The following SNTG2 variants were observed in gnomAD, a reference collection of about 807,000 sequenced individuals.
SNTG2 encodes syntrophin gamma 2, also known as gamma-2-syntrophin.
SNTG2 carries 74 observed loss-of-function variants against 70.9 expected under a neutral mutation model. The observed-to-expected ratio is 1.04, with a 90% CI of 0.86 to 1.27. The LOEUF (loss-of-function observed/expected upper bound fraction) is 1.27. Among genes scored for constraint, SNTG2 ranks in the 50% most tolerant of loss-of-function variants. The probability of loss-of-function intolerance (pLI) is 0.00; values close to 1 mark genes in which losing one functional copy is unlikely to be tolerated. For synonymous variants in SNTG2, 278 were observed against 273.8 expected, an observed-to-expected ratio of 1.02 and a Z score of -0.15; for missense variants, 717 against 690.7, an observed-to-expected ratio of 1.04 and a Z score of -0.43.
chr2:1,347,587 T>G (rs543484721), intron 16 of SNTG2, among the ~76,000 whole-genome samples: 1 of 152,252 alleles, frequency 6.6e-6, no homozygotes, highest in Admixed American at 6.5e-5. Context: ...GGCCCCTGTC[T>G]GGCTCCCATC....
rs1425582235 is a variant in SNTG2 at position 956,629 on chromosome 2, T to TAGG, written c.72+5565_72+5567dup. On this transcript the variant is annotated intron_variant, in intron 1 of 16. Coordinates refer to ENST00000308624, the MANE Select transcript of SNTG2 (RefSeq NM_018968.4). ...AATGGGCCCATCTCGGTCGGGCGTC[T>TAGG]AGGAGGGAAGTGGCACCTGGGTCCC... Among the ~76,000 whole-genome samples, 3 of 152,320 alleles carry TAGG rather than the reference T, an allele frequency of 2.0e-5. No individual in the cohort carries two copies. In the East Asian group the frequency reaches 5.8e-4, roughly 29 times the overall value.
intron 14 of SNTG2, among the ~76,000 whole-genome samples, chr2:1,296,832 T>G (rs749493191): frequency 6.6e-6 from 1 of 152,230 alleles, no homozygotes; most frequent in Non-Finnish European, 1.5e-5. Context: ...CAGTCTTGCT[T>G]TAGAAGAAGT....
rs191304687 is a variant in SNTG2, at chr2:1,002,088, C to G, written c.72+51020C>G. Among the ~76,000 whole-genome samples, 183 of 152,150 alleles carry G rather than the reference C, an allele frequency of 1.2e-3. 1 individual carries two copies. The highest frequency in any genetic ancestry group is 4.0e-3 in the African/African-American group (165 of 41,540). On this transcript the variant is annotated intron_variant, in intron 1 of 16. Coordinates refer to ENST00000308624, the MANE Select transcript of SNTG2 (RefSeq NM_018968.4). ...CAGAAGAATTCAGCTGGATCCATAG[C>G]TCTCACCATATACGAAAGTTAACTC...
At chr2:977,800 C>T (rs751868145) in intron 1 of SNTG2, among the ~76,000 whole-genome samples, 5 of 152,052 alleles carry the variant, frequency 3.3e-5, no homozygotes, top group Admixed American at 2.0e-4. Context: ...ACCTCATTTC[C>T]GCCCTCCACA....
chr2:1,346,688 G>A (rs990538228), intron 16 of SNTG2: 2 of 152,276 alleles, frequency 1.3e-5, no homozygotes, highest in Non-Finnish European at 2.9e-5. Flanking sequence ...GTCCCAAGAA[G>A]GTGCACCTGA....
At chr2:1,197,124 A>G (rs1433637461) in intron 8 of SNTG2, among the ~76,000 whole-genome samples, 2 of 152,106 alleles carry the variant, frequency 1.3e-5, no homozygotes, top group Non-Finnish European at 2.9e-5. Flanking sequence ...ATCAATAACT[A>G]CCTTAAATGT....
chr2:1,277,259 A>T (rs1424575805), intron 14 of SNTG2, among the ~76,000 whole-genome samples: 2 of 152,248 alleles, frequency 1.3e-5, no homozygotes, highest in African/African-American at 4.8e-5. Context: ...GAAAGTTTTC[A>T]TGAAAAGAAG....
chr2:1,326,848 C>T (rs1681784571), intron 16 of SNTG2, among the ~76,000 whole-genome samples: 2 of 151,970 alleles, frequency 1.3e-5, no homozygotes, highest in Admixed American at 1.3e-4. Context: ...CATTCTCTTT[C>T]TTTTCTCAAC....
intron 1 of SNTG2, among the ~76,000 whole-genome samples, chr2:1,012,865 G>C (rs1659777049): frequency 1.8e-5 from 1 of 54,762 alleles, no homozygotes; most frequent in African/African-American, 6.1e-5. Context: ...GAGAAGAGTG[G>C]TCTGTAGAGG....
intron 1 of SNTG2, among the ~76,000 whole-genome samples, chr2:1,077,107 C>T (rs576907886): frequency 6.6e-6 from 1 of 152,232 alleles, no homozygotes; most frequent in East Asian, 1.9e-4. Flanking sequence ...AATCATAATG[C>T]ACTTTAAAAT....
intron 14 of SNTG2, among the ~76,000 whole-genome samples, chr2:1,269,360 A>G (rs2148187313): frequency 6.6e-6 from 1 of 152,282 alleles, no homozygotes; most frequent in East Asian, 1.9e-4. Flanking sequence ...TGCAAAAAAT[A>G]ATAATAAAAT....
At chr2:1,024,148 G>A (rs1660348409) in intron 1 of SNTG2, among the ~76,000 whole-genome samples, 1 of 152,078 alleles carries the variant, frequency 6.6e-6, no homozygotes, top group Admixed American at 6.5e-5. Context: ...GCACCACAGG[G>A]GCCTCCCAGA....
chr2:1,096,481 G>GC (rs1314852323), intron 2 of SNTG2, among the ~76,000 whole-genome samples: 17 of 151,834 alleles, frequency 1.1e-4, no homozygotes, highest in Non-Finnish European at 2.5e-4. Flanking sequence ...CTGCACCTCC[G>GC]CCCCCCAACC....
At chr2:1,203,673 A>AATATAT (rs534989970) in intron 8 of SNTG2, among the ~76,000 whole-genome samples, 5 of 115,514 alleles carry the variant, frequency 4.3e-5, no homozygotes, top group African/African-American at 9.6e-5. Flanking sequence ...CAAAAAAAAA[A>AATATAT]ATATATATAT....
intron 16 of SNTG2, among the ~76,000 whole-genome samples, chr2:1,347,617 A>G (rs139812622): frequency 3.9e-5 from 6 of 152,224 alleles, no homozygotes; most frequent in African/African-American, 1.4e-4. Context: ...GTGAACCCGT[A>G]TTTCACTCCT....
intron 2 of SNTG2, among the ~76,000 whole-genome samples, chr2:1,083,933 C>T (rs550190840): frequency 2.0e-5 from 3 of 151,904 alleles, no homozygotes; most frequent in Admixed American, 6.5e-5. Context: ...CCCAGCTACT[C>T]GGAAGTCCGA....
chr2:1,094,695 ATGG>A (rs1375366951), intron 2 of SNTG2, among the ~76,000 whole-genome samples: 13 of 42,422 alleles, frequency 3.1e-4, no homozygotes, highest in Admixed American at 5.1e-4. Context: ...GTGTCCTCAT[ATGG>A]TAGAGTTACT....
chr2:1,238,083 C>T (rs1432366245), intron 10 of SNTG2, 66 bp downstream of exon 10: 33 of 1,528,052 alleles, frequency 2.2e-5, no homozygotes, highest in Non-Finnish European at 2.7e-5. Flanking sequence ...ATGGAGACAT[C>T]ATGTTTCTGA....
chr2:1,293,463 G>C (rs1461930496), intron 14 of SNTG2, among the ~76,000 whole-genome samples: 1 of 151,578 alleles, frequency 6.6e-6, no homozygotes, highest in Admixed American at 6.6e-5. Flanking sequence ...GCCAATTTGA[G>C]ATCTTTCTTT....
Sources: allele counts gnomAD v4.1 joint callset (sites outside exome capture counted in the v4.1 genomes callset), GRCh38; gene constraint gnomAD v4.1.1; transcripts MANE v1.5; gene names NCBI Gene and HGNC (gene_info 2026-07-23, HGNC 2026-07-21).